Variants in FOXP1 observed in about 807,000 individuals in gnomAD.
The protein encoded by FOXP1 is forkhead box P1, also known as forkhead box protein P1.
Under a neutral mutation model 98.2 loss-of-function variants are expected in FOXP1, and 15 were observed. That is an observed-to-expected ratio of 0.15 (90% CI 0.10 to 0.24). FOXP1 has a LOEUF of 0.24. Ranked by LOEUF, FOXP1 falls within the 10% of genes least tolerant of loss-of-function variation. The pLI, the probability that FOXP1 is intolerant of heterozygous loss-of-function variation, is 1.00. For synonymous variants in FOXP1, 371 were observed against 314.5 expected, an observed-to-expected ratio of 1.18 and a Z score of -1.90; for missense variants, 633 against 848.5, an observed-to-expected ratio of 0.75 and a Z score of 3.15.
intron 5 of FOXP1, among the ~76,000 whole-genome samples, chr3:71,274,071 G>C (rs7647520): frequency 6.6e-6 from 1 of 151,942 alleles, no homozygotes; most frequent in Non-Finnish European, 1.5e-5. Context: ...AGAAATGAAG[G>C]AGCCCTCCCT....
intron 14 of FOXP1, among the ~76,000 whole-genome samples, chr3:70,986,800 G>A (rs1002664739): frequency 2.0e-5 from 3 of 152,132 alleles, no homozygotes; most frequent in South Asian, 2.1e-4. Context: ...ATGGATGCAC[G>A]AAGTGTTTAA....
intron 2 of FOXP1, among the ~76,000 whole-genome samples, chr3:71,525,987 G>C (rs1417528308): frequency 6.6e-6 from 1 of 152,066 alleles, no homozygotes; most frequent in Non-Finnish European, 1.5e-5. Flanking sequence ...CAGGCATGGT[G>C]GTGGGCGCCT....
intron 6 of FOXP1, among the ~76,000 whole-genome samples, chr3:71,144,762 A>ATCACC (rs2060226115): frequency 6.6e-6 from 1 of 151,982 alleles, no homozygotes; most frequent in African/African-American, 2.4e-5. Context: ...GGATGTGTAT[A>ATCACC]ATCACCAGCA....
chr3:71,130,654 CACACTCGAAGAGAAA>C (rs1559994144), intron 6 of FOXP1: 1 of 1,596,476 alleles, frequency 6.3e-7, no homozygotes, highest in East Asian at 2.2e-5. Flanking sequence ...GCGGCTGAAG[CACACTCGAAGAGAAA>C]ACACACTGGA....
At chr3:71,562,924 T>C (rs913449687) in intron 2 of FOXP1, among the ~76,000 whole-genome samples, 4 of 152,310 alleles carry the variant, frequency 2.6e-5, no homozygotes, top group East Asian at 1.9e-4. Flanking sequence ...CTCCCACTCA[T>C]GCAATCGCTC....
At chr3:71,145,156 T>C (rs996897015) in intron 6 of FOXP1, among the ~76,000 whole-genome samples, 2 of 152,208 alleles carry the variant, frequency 1.3e-5, no homozygotes, top group African/African-American at 4.8e-5. Context: ...TAGGTTTTTG[T>C]GTGAACATAC....
intron 3 of FOXP1, among the ~76,000 whole-genome samples, chr3:71,407,975 C>T (rs1449069437): frequency 2.0e-5 from 3 of 152,118 alleles, no homozygotes; most frequent in Non-Finnish European, 2.9e-5. Context: ...TCCTTTGAGA[C>T]CCTGTGCTTG....
intron 5 of FOXP1, among the ~76,000 whole-genome samples, chr3:71,204,980 G>C (rs1328354584): frequency 6.6e-6 from 1 of 152,122 alleles, no homozygotes; most frequent in Non-Finnish European, 1.5e-5. Context: ...TGTTATGAAG[G>C]CACCGTCTTC....
intron 6 of FOXP1, among the ~76,000 whole-genome samples, chr3:71,142,845 G>A (rs971208957): frequency 6.6e-5 from 10 of 152,234 alleles, no homozygotes; most frequent in African/African-American, 1.2e-4. Flanking sequence ...ACTAACACAC[G>A]CAGAAAAAGA....
intron 3 of FOXP1, among the ~76,000 whole-genome samples, chr3:71,432,715 C>T (rs567070950): frequency 1.3e-5 from 2 of 151,854 alleles, no homozygotes; most frequent in African/African-American, 2.4e-5. Flanking sequence ...AGCACCCTAT[C>T]CCCCCCATCC....
intron 2 of FOXP1, among the ~76,000 whole-genome samples, chr3:71,550,181 G>C (rs143805366): frequency 2.9e-4 from 44 of 152,274 alleles, no homozygotes; most frequent in African/African-American, 8.7e-4. Context: ...GCGGGGAGAG[G>C]AGGAAGCCTG....
chr3:71,048,699 TCAACAGATATTAACTCA>T (rs1271481399), intron 9 of FOXP1, among the ~76,000 whole-genome samples: 1 of 150,762 alleles, frequency 6.6e-6, no homozygotes, highest in Admixed American at 6.7e-5. Flanking sequence ...TTTCACTTCT[TCAACAGATATTAACTCA>T]CAACATTACA....
intron 2 of FOXP1, among the ~76,000 whole-genome samples, chr3:71,525,853 C>T (rs552289982): frequency 1.3e-5 from 2 of 152,104 alleles, no homozygotes; most frequent in South Asian, 2.1e-4. Flanking sequence ...CAGTGGCTCA[C>T]GCTTGTAATC....
chr3:71,180,673 C>G (rs942159453), intron 6 of FOXP1, among the ~76,000 whole-genome samples: 1 of 152,160 alleles, frequency 6.6e-6, no homozygotes, highest in Non-Finnish European at 1.5e-5. Context: ...AATCCCCGCC[C>G]TCCACCCTTC....
intron 13 of FOXP1, among the ~76,000 whole-genome samples, chr3:70,989,437 G>A (rs777573804): frequency 6.6e-6 from 1 of 152,144 alleles, no homozygotes; most frequent in Non-Finnish European, 1.5e-5. Flanking sequence ...GGAGCCACTT[G>A]ATGGTATTCC....
At chr3:71,414,244 C>T (rs1198051971) in intron 3 of FOXP1, among the ~76,000 whole-genome samples, 3 of 152,214 alleles carry the variant, frequency 2.0e-5, no homozygotes, top group African/African-American at 7.2e-5. Context: ...TGTTTCCAGG[C>T]TCTGCTTTTT....
At chr3:70,971,842 G>A (rs920239904) in intron 18 of FOXP1, 4 of 449,836 alleles carry the variant, frequency 8.9e-6, no homozygotes, top group African/African-American at 8.1e-5. Flanking sequence ...AGGCACTGGT[G>A]TTCCAAAGAG....
intron 13 of FOXP1, among the ~76,000 whole-genome samples, chr3:71,000,659 G>A (rs1203400326): frequency 6.6e-6 from 1 of 152,018 alleles, no homozygotes; most frequent in Admixed American, 6.6e-5. Context: ...AGAAGAGAGG[G>A]AAAGTGAGAG....
At chr3:71,447,349 A>G (rs1487827221) in intron 3 of FOXP1, among the ~76,000 whole-genome samples, 1 of 152,210 alleles carries the variant, frequency 6.6e-6, no homozygotes, top group Non-Finnish European at 1.5e-5. Context: ...ACAAACAGTC[A>G]CATCCACTTA....
Sources: allele counts gnomAD v4.1 joint callset (sites outside exome capture counted in the v4.1 genomes callset), GRCh38; gene constraint gnomAD v4.1.1; transcripts MANE v1.5; gene names NCBI Gene and HGNC (gene_info 2026-07-23, HGNC 2026-07-21).